Variants in AGK observed in about 807,000 individuals in gnomAD.
AGK encodes the protein acylglycerol kinase.
A neutral mutation model predicts 66.4 loss-of-function variants in AGK; 52 were observed. That is an observed-to-expected ratio of 0.78 (90% confidence interval 0.63 to 0.99). The LOEUF (loss-of-function observed/expected upper bound fraction) is 0.99, where lower values mean the gene tolerates loss of function less well. AGK is among the 50% of genes least tolerant of loss of function. The probability of loss-of-function intolerance (pLI) is 0.00; values close to 1 mark genes in which losing one functional copy is unlikely to be tolerated. For synonymous variants in AGK, 182 were observed against 181.1 expected (o/e 1.00, Z -0.04); for missense variants, 451 against 506.6 (o/e 0.89, Z 1.05).
chr7:141,608,133 G>A (rs1796503634), intron 5 of AGK, among the ~76,000 whole-genome samples: 1 of 152,058 alleles, frequency 6.6e-6, no homozygotes. Context: ...TCATTTCAAG[G>A]TTTGAAAGCA....
chr7:141,627,589 G>C (rs1044074049), intron 9 of AGK, among the ~76,000 whole-genome samples: 2 of 152,128 alleles, frequency 1.3e-5, no homozygotes, highest in African/African-American at 4.8e-5. Context: ...CTGATGTCTG[G>C]ACTCTTCACC....
intron 2 of AGK, among the ~76,000 whole-genome samples, chr7:141,591,697 T>C (rs1032322718): frequency 3.9e-5 from 6 of 152,238 alleles, no homozygotes; most frequent in African/African-American, 1.4e-4. Flanking sequence ...CAAAATAACC[T>C]TTTTTCAAGT....
At chr7:141,607,847 C>A (rs1796497974) in intron 5 of AGK, among the ~76,000 whole-genome samples, 1 of 151,806 alleles carries the variant, frequency 6.6e-6, no homozygotes, top group African/African-American at 2.4e-5. Flanking sequence ...TGTTAGGCCA[C>A]CTTTTTATCC....
In AGK at chr7:141,558,805, T is replaced by C. The variant is rs192699447; in HGVS notation, c.101+3238T>C. ...TCAACACTTGTTATTTTCTGTTTCT[T>C]TGATATGGGCTATCCTTATGAGTGT... is the stretch of plus-strand genomic sequence containing the variant. On this transcript the variant is annotated intron_variant, in intron 2 of 15. Transcript: ENST00000649286. Among the ~76,000 whole-genome samples the C allele has an allele frequency of 4.9e-4, 75 of 152,368 alleles. 1 individual carries two copies. The highest frequency in any genetic ancestry group is 3.8e-3 in the East Asian group (20 of 5,196).
At chr7:141,578,140 T>A (rs1236836190) in intron 2 of AGK, among the ~76,000 whole-genome samples, 1 of 152,108 alleles carries the variant, frequency 6.6e-6, no homozygotes, top group Non-Finnish European at 1.5e-5. Context: ...AGCTTTTTAA[T>A]CACCTGGGTG....
chr7:141,593,356 A>C (rs1332034389), intron 3 of AGK, 171 bp downstream of exon 3: 6 of 717,160 alleles, frequency 8.4e-6, no homozygotes, highest in Non-Finnish European at 1.5e-5. Flanking sequence ...AACTCCAGGA[A>C]GTTAACCATC....
At chr7:141,649,756 T>G (rs1301762467) in intron 14 of AGK, among the ~76,000 whole-genome samples, 3 of 152,270 alleles carry the variant, frequency 2.0e-5, no homozygotes, top group Non-Finnish European at 4.4e-5. Flanking sequence ...CTTTCAGCCT[T>G]GAGTAAGAGA....
chr7:141,614,355 A>G (rs1201919381), intron 7 of AGK, among the ~76,000 whole-genome samples, 177 bp downstream of exon 7: 1 of 152,122 alleles, frequency 6.6e-6, no homozygotes, highest in East Asian at 1.9e-4. Flanking sequence ...ATATTAACAC[A>G]TGGGGACTTT....
intron 6 of AGK, among the ~76,000 whole-genome samples, chr7:141,612,583 G>A (rs1201639628): frequency 6.6e-6 from 1 of 152,118 alleles, no homozygotes; most frequent in Non-Finnish European, 1.5e-5. Context: ...TGTAACAAAT[G>A]TGCCACTCTG....
intron 2 of AGK, among the ~76,000 whole-genome samples, chr7:141,560,629 C>G (rs761576302): frequency 3.3e-5 from 5 of 151,958 alleles, no homozygotes; most frequent in Non-Finnish European, 5.9e-5. Flanking sequence ...CACCTTTCCC[C>G]CTGAGTCCCC....
intron 5 of AGK, among the ~76,000 whole-genome samples, chr7:141,607,338 AG>A (rs1028402148): frequency 6.6e-6 from 1 of 152,124 alleles, no homozygotes; most frequent in African/African-American, 2.4e-5. Flanking sequence ...TTTGGATTTT[AG>A]CCACTGAAAT....
chr7:141,593,021 G>T, intron 2 of AGK, 125 bp from the exon 3 acceptor site: 1 of 776,264 alleles, frequency 1.3e-6, no homozygotes, highest in Non-Finnish European at 2.1e-6. Context: ...AGGTTTTTAA[G>T]GAACTTTCAC....
At chr7:141,578,368 G>A (rs769166747) in intron 2 of AGK, among the ~76,000 whole-genome samples, 8 of 151,810 alleles carry the variant, frequency 5.3e-5, no homozygotes, top group South Asian at 2.1e-4. Context: ...GGCAGGGACC[G>A]GCCATTTTCA....
chr7:141,600,563 T>C (rs189972061), intron 4 of AGK, among the ~76,000 whole-genome samples: 1 of 152,336 alleles, frequency 6.6e-6, no homozygotes. Flanking sequence ...ACTTAGTAAG[T>C]ACTTTCTAAT....
intron 13 of AGK, among the ~76,000 whole-genome samples, chr7:141,647,195 C>T (rs1797433039): frequency 6.6e-6 from 1 of 151,898 alleles, no homozygotes; most frequent in South Asian, 2.1e-4. Flanking sequence ...CCCACTGTCT[C>T]CCTCTCCAAT....
intron 2 of AGK, among the ~76,000 whole-genome samples, chr7:141,580,711 C>T (rs1795864065): frequency 6.6e-6 from 1 of 151,978 alleles, no homozygotes; most frequent in Admixed American, 6.5e-5. Context: ...TGCACGCAGA[C>T]CATGAGGGCT....
chr7:141,654,964 G>A lies in AGK; in HGVS notation c.*2040G>A, dbSNP rs1404386720. 6.6e-6 allele frequency: 1 copy of A among 152,176 alleles called. No homozygotes were observed. Among genetic ancestry groups the A allele is most frequent in the Admixed American group, 6.5e-5 (1 of 15,272 alleles). 9.4% of individuals were successfully genotyped at this position (152,176 alleles called of 1,614,324 possible). On this transcript the variant is annotated 3_prime_UTR_variant, in exon 16 of 16. Coordinates refer to ENST00000649286, the MANE Select transcript of AGK (RefSeq NM_018238.4). The stretch of plus-strand genomic sequence containing the variant: ...AGACGGTTCCAAACATCAGCATAAA[G>A]ATCACTCATCCCATACCACCCACAG...
At chr7:141,588,347 G>T (rs1388106099) in intron 2 of AGK, among the ~76,000 whole-genome samples, 1 of 152,118 alleles carries the variant, frequency 6.6e-6, no homozygotes, top group Non-Finnish European at 1.5e-5. Context: ...AAGATAGTAG[G>T]CCAGGCACAG....
At chr7:141,576,848 G>A (rs537427010) in intron 2 of AGK, among the ~76,000 whole-genome samples, 15 of 151,850 alleles carry the variant, frequency 9.9e-5, no homozygotes, top group East Asian at 5.8e-4. Context: ...GACCATCCTC[G>A]CTAACACGGT....
Sources: gnomAD v4.1 joint callset for allele counts (sites outside exome capture counted in the v4.1 genomes callset) on GRCh38, gnomAD v4.1.1 for gene constraint, MANE v1.5 for transcripts, NCBI Gene and HGNC (gene_info 2026-07-23, HGNC 2026-07-21) for gene names.